Variants in SEC14L5 observed in about 807,000 individuals in gnomAD.
The protein encoded by SEC14L5 is SEC14-like protein 5.
In SEC14L5, 96 loss-of-function variants were observed where a neutral mutation model predicts 84.6. The observed-to-expected ratio is 1.13, with a 90% confidence interval of 0.96 to 1.34. The LOEUF (loss-of-function observed/expected upper bound fraction) is 1.34. Ranked by LOEUF, SEC14L5 falls within the 40% of genes most tolerant of loss-of-function variation. SEC14L5 has a pLI of 0.00. For missense variants in SEC14L5, 1,224 were observed against 942.5 expected (o/e 1.30, Z -3.91); for synonymous variants, 546 against 383.4 (o/e 1.42, Z -4.95).
intron 2 of SEC14L5, among the ~76,000 whole-genome samples, chr16:4,983,613 A>G (rs1356378724): frequency 6.6e-6 from 1 of 151,408 alleles, no homozygotes; most frequent in Non-Finnish European, 1.5e-5. Context: ...GCGGTGGCTC[A>G]CGCTTGTAAT....
At chr16:4,970,490 G>C (rs1347080094) in intron 2 of SEC14L5, among the ~76,000 whole-genome samples, 2 of 152,204 alleles carry the variant, frequency 1.3e-5, no homozygotes, top group African/African-American at 4.8e-5. Flanking sequence ...GCATTCCTGA[G>C]ACACTTGGAA....
chr16:4,984,405 T>C (rs113476585), intron 2 of SEC14L5, among the ~76,000 whole-genome samples: 4 of 152,398 alleles, frequency 2.6e-5, no homozygotes, highest in African/African-American at 9.6e-5. Flanking sequence ...TTCCATTTTA[T>C]GGCTAGACCA....
intron 14 of SEC14L5, among the ~76,000 whole-genome samples, chr16:5,010,395 C>G (rs1352602736): frequency 6.6e-6 from 1 of 151,866 alleles, no homozygotes; most frequent in Non-Finnish European, 1.5e-5. Context: ...AGTCTTGGAA[C>G]AGAACTTGAA....
intron 12 of SEC14L5, among the ~76,000 whole-genome samples, chr16:5,006,568 C>T (rs1328338496): frequency 1.3e-5 from 2 of 152,162 alleles, no homozygotes; most frequent in East Asian, 1.9e-4. Flanking sequence ...CTGGGGTGAT[C>T]CTAGGTCACA....
intron 2 of SEC14L5, among the ~76,000 whole-genome samples, chr16:4,964,599 A>G (rs1281357994): frequency 6.6e-6 from 1 of 151,514 alleles, no homozygotes; most frequent in African/African-American, 2.4e-5. Flanking sequence ...AAAAAGAACC[A>G]GACCCACAGG....
intron 8 of SEC14L5, among the ~76,000 whole-genome samples, chr16:4,999,650 C>T (rs1429128083): frequency 6.6e-6 from 1 of 151,298 alleles, no homozygotes; most frequent in Non-Finnish European, 1.5e-5. Context: ...ATGGTGGGCT[C>T]ACGTCTGTAA....
chr16:5,001,486 C>G (rs959069597), intron 10 of SEC14L5, among the ~76,000 whole-genome samples: 1 of 152,142 alleles, frequency 6.6e-6, no homozygotes, highest in Non-Finnish European at 1.5e-5. Flanking sequence ...GTCTCGGTCT[C>G]CTGACCTCGT....
intron 12 of SEC14L5, among the ~76,000 whole-genome samples, chr16:5,006,805 C>T (rs1197760861): frequency 6.6e-6 from 1 of 152,064 alleles, no homozygotes; most frequent in African/African-American, 2.4e-5. Flanking sequence ...TGAACAGTGT[C>T]CTGCTAATCC....
intron 8 of SEC14L5, among the ~76,000 whole-genome samples, chr16:4,999,652 C>T (rs1035023127): frequency 4.6e-5 from 7 of 150,624 alleles, no homozygotes; most frequent in East Asian, 2.0e-4. Context: ...GGTGGGCTCA[C>T]GTCTGTAATC....
Position 5,000,854 on chromosome 16 carries a change from G to C in SEC14L5, c.1060-1G>C. The C allele has an allele frequency of 1.2e-6, 2 of 1,602,932 alleles. No homozygotes were observed. Among genetic ancestry groups the C allele is most frequent in the Non-Finnish European group, 1.7e-6 (2 of 1,174,894 alleles). ...TGAGCAGCACTGTCTCTCCCTTCCA[G>C]GTTCTCTCCGTCAACGAGGAAGGAC... On this transcript the variant is annotated splice_acceptor_variant, in intron 9 of 15. Transcript: ENST00000251170. LOFTEE classifies it high-confidence loss of function.
intron 2 of SEC14L5, among the ~76,000 whole-genome samples, chr16:4,985,160 A>T (rs566483149): frequency 2.0e-5 from 3 of 152,240 alleles, no homozygotes; most frequent in African/African-American, 7.2e-5. Flanking sequence ...AGATTTATTC[A>T]TATGTTTTCT....
At chr16:4,993,748 A>C (rs909373142) in intron 6 of SEC14L5, among the ~76,000 whole-genome samples, 5 of 152,232 alleles carry the variant, frequency 3.3e-5, no homozygotes, top group African/African-American at 1.2e-4. Flanking sequence ...ATTTTGGTAG[A>C]TTTAACCATT....
intron 2 of SEC14L5, among the ~76,000 whole-genome samples, chr16:4,960,941 G>GTGCTCTGCCA (rs1157597733): frequency 6.6e-6 from 1 of 152,140 alleles, no homozygotes; most frequent in African/African-American, 2.4e-5. Context: ...GGGTTCTGCT[G>GTGCTCTGCCA]TGCTCTGCCA....
intron 2 of SEC14L5, among the ~76,000 whole-genome samples, chr16:4,976,483 T>C (rs7191632): frequency 0.57 from 86,057 of 152,086 alleles, 24,466 homozygotes; most frequent in East Asian, 0.71. Flanking sequence ...AGCAATAAAA[T>C]AGGCCCACCT....
chr16:4,979,734 C>T (rs1164053525), intron 2 of SEC14L5, among the ~76,000 whole-genome samples: 2 of 107,628 alleles, frequency 1.9e-5, no homozygotes, highest in African/African-American at 3.4e-5. Context: ...TTGCTCCTGT[C>T]ATTTTCCCTG....
chr16:4,966,147 T>C (rs774542096), intron 2 of SEC14L5, among the ~76,000 whole-genome samples: 7 of 151,978 alleles, frequency 4.6e-5, no homozygotes, highest in South Asian at 2.1e-4. Context: ...TTCTATTTTT[T>C]AGTAGAGACG....
chr16:4,964,202 T>C (rs1271721258), intron 2 of SEC14L5, among the ~76,000 whole-genome samples: 1 of 152,168 alleles, frequency 6.6e-6, no homozygotes, highest in Non-Finnish European at 1.5e-5. Context: ...ACAAAGGCCA[T>C]GTGGCTCAGG....
chr16:4,985,666 G>C (rs1203012070), intron 2 of SEC14L5, among the ~76,000 whole-genome samples: 1 of 152,026 alleles, frequency 6.6e-6, no homozygotes, highest in Admixed American at 6.6e-5. Flanking sequence ...ATTTCTGGAT[G>C]CTAAATTCTT....
At position 5,013,021 on chromosome 16, in the gene SEC14L5, A is replaced by C. The variant is rs116739404; in HGVS notation, c.1979+1748A>C. 4.2e-3 allele frequency among the ~76,000 whole-genome samples: 646 copies of C among 152,252 alleles called. 10 individuals are homozygous for C. Among genetic ancestry groups the C allele is most frequent in the African/African-American group, 0.015 (611 of 41,554 alleles). On this transcript the variant is annotated intron_variant, in intron 15 of 15. Transcript: ENST00000251170. Reference sequence around the variant, plus strand: ...AAACTTACTATCATGGCGGAAGGCAAAGGGTCAGGAGAGAGAGAGAGCAGA... The same window carrying C: ...AAACTTACTATCATGGCGGAAGGCACAGGGTCAGGAGAGAGAGAGAGCAGA...
Sources: gnomAD v4.1 joint callset for allele counts (sites outside exome capture counted in the v4.1 genomes callset) on GRCh38, gnomAD v4.1.1 for gene constraint, MANE v1.5 for transcripts, NCBI Gene and HGNC (gene_info 2026-07-23, HGNC 2026-07-21) for gene names.